The following PDE9A variants were observed in gnomAD, a reference collection of about 807,000 sequenced individuals.
PDE9A encodes the protein high affinity cGMP-specific 3',5'-cyclic phosphodiesterase 9A.
Under a neutral mutation model 87.4 loss-of-function variants are expected in PDE9A, and 60 were observed. The observed-to-expected ratio is 0.69, with a 90% CI of 0.56 to 0.85. The LOEUF is 0.85. PDE9A is among the 40% of genes least tolerant of loss of function. The pLI is 0.00. For synonymous variants in PDE9A, 272 were observed against 279.4 expected, an observed-to-expected ratio of 0.97 and a Z score of 0.27; for missense variants, 665 against 779.0, an observed-to-expected ratio of 0.85 and a Z score of 1.74.
intron 1 of PDE9A, among the ~76,000 whole-genome samples, chr21:42,681,933 A>G (rs368144327): frequency 5.3e-5 from 8 of 152,336 alleles, no homozygotes; most frequent in East Asian, 1.9e-4. Flanking sequence ...GAGGCAGCCT[A>G]GGGGTCCTCC....
chr21:42,671,146 A>G (rs2058544254), intron 1 of PDE9A, among the ~76,000 whole-genome samples: 1 of 152,130 alleles, frequency 6.6e-6, no homozygotes, highest in Non-Finnish European at 1.5e-5. Context: ...GAGCTTTAGG[A>G]TAACTCCGGT....
rs532492500 is a variant in PDE9A, at chr21:42,656,391, C to T, written c.69+2508C>T. On this transcript the variant is annotated intron_variant, in intron 1 of 19. Coordinates refer to ENST00000291539, the MANE Select transcript of PDE9A (RefSeq NM_002606.3). ...CAGTTTCCCCCTGAGACCGCAGAGA[C>T]GGGGAGGAAGGAGGGAACATTAGAA... Among the ~76,000 whole-genome samples, 265 of 152,272 alleles carry T rather than the reference C, an allele frequency of 1.7e-3. 2 individuals carry two copies. The highest frequency in any genetic ancestry group is 1.0e-3 in the Non-Finnish European group (71 of 68,002).
intron 1 of PDE9A, among the ~76,000 whole-genome samples, chr21:42,685,737 G>A (rs1250702229): frequency 6.6e-6 from 1 of 152,052 alleles, no homozygotes; most frequent in Non-Finnish European, 1.5e-5. Context: ...CAAAGTGCTG[G>A]GATTACAGGC....
chr21:42,775,264 G>A lies in PDE9A; in HGVS notation c.1769-16G>A, dbSNP rs9637296. The A allele has an allele frequency of 0.17, 279,428 of 1,607,790 alleles. 25,399 individuals are homozygous for A. Among genetic ancestry groups the A allele is most frequent in the South Asian group, 0.26 (23,750 of 89,998 alleles). ...TTCTAACAAAAACAAATCAGTCATCGTTTCCCTTCTTCCAGGAGACTGTGC... is the reference window on the plus strand; with the variant it reads ...TTCTAACAAAAACAAATCAGTCATCATTTCCCTTCTTCCAGGAGACTGTGC... On this transcript the variant is annotated splice_polypyrimidine_tract_variant and intron_variant, in intron 19 of 19. Transcript: ENST00000291539.
chr21:42,653,968 C>G, intron 1 of PDE9A, 85 bp downstream of exon 1: 1 of 657,986 alleles, frequency 1.5e-6, no homozygotes, highest in South Asian at 1.7e-5. Context: ...ACTGTCCGTG[C>G]GTCTGCCGGT....
intron 10 of PDE9A, among the ~76,000 whole-genome samples, chr21:42,755,585 G>A (rs2269161): frequency 0.38 from 58,055 of 152,116 alleles, 12,580 homozygotes; most frequent in Non-Finnish European, 0.5. Flanking sequence ...ACGCACAAAA[G>A]GAAAGGGCCC....
rs556753847 is a variant in PDE9A, at chr21:42,739,215, G to A, written c.569-4561G>A. Among the ~76,000 whole-genome samples the A allele has an allele frequency of 1.1e-4, 16 of 152,356 alleles. No homozygotes were observed. Among genetic ancestry groups the A allele is most frequent in the Non-Finnish European group, 2.2e-4 (15 of 68,022 alleles). ...GTTTGAAGGCAGAGGAGCGGGCCAT[G>A]ATGGGCAGAGCCGACGTCCAGGCTC... On this transcript the variant is annotated intron_variant, in intron 7 of 19. Coordinates refer to ENST00000291539, the MANE Select transcript of PDE9A (RefSeq NM_002606.3). The surrounding 1 kb of genome is among the most constrained non-coding windows in gnomAD (Gnocchi z 4.1).
At chr21:42,733,621 T>C in intron 7 of PDE9A, 195 bp downstream of exon 7, 1 of 586,488 alleles carries the variant, frequency 1.7e-6, no homozygotes, top group Non-Finnish European at 3.1e-6. Context: ...ATTTCTATTT[T>C]AAAAGAAGCA....
intron 19 of PDE9A, 21 bp downstream of exon 19, chr21:42,772,541 G>T (rs1480401100): frequency 6.6e-7 from 1 of 1,507,186 alleles, no homozygotes; most frequent in East Asian, 2.3e-5. Context: ...CTCTGCTGAA[G>T]TGGCATCTCA....
intron 1 of PDE9A, among the ~76,000 whole-genome samples, chr21:42,673,138 C>T (rs1485505904): frequency 6.6e-6 from 1 of 152,140 alleles, no homozygotes; most frequent in Admixed American, 6.5e-5. Flanking sequence ...GGATTTGTCT[C>T]GCTTTGCAGC....
At chr21:42,732,785 A>G (rs189970487) in intron 6 of PDE9A, among the ~76,000 whole-genome samples, 2 of 152,282 alleles carry the variant, frequency 1.3e-5, no homozygotes, top group East Asian at 1.9e-4. Flanking sequence ...GTGGTGGCAC[A>G]TGCCTGTAAT....
At chr21:42,753,215 A>C (rs1347473798) in intron 9 of PDE9A, among the ~76,000 whole-genome samples, 1 of 152,170 alleles carries the variant, frequency 6.6e-6, no homozygotes, top group Non-Finnish European at 1.5e-5. Context: ...CATGTTTGCC[A>C]GGTTGGTCTT....
At chr21:42,762,545 C>T (rs979315670) in intron 14 of PDE9A, among the ~76,000 whole-genome samples, 2 of 152,196 alleles carry the variant, frequency 1.3e-5, no homozygotes, top group Non-Finnish European at 2.9e-5. Flanking sequence ...GAAACTGAGG[C>T]TTAGCAAAGG....
intron 3 of PDE9A, among the ~76,000 whole-genome samples, chr21:42,688,336 G>A (rs2059591003): frequency 6.6e-6 from 1 of 151,992 alleles, no homozygotes; most frequent in Non-Finnish European, 1.5e-5. Context: ...AAGGACCTCG[G>A]GAGATTCCCT....
intron 1 of PDE9A, among the ~76,000 whole-genome samples, chr21:42,673,416 A>AT (rs1450112821): frequency 6.6e-6 from 1 of 152,154 alleles, no homozygotes; most frequent in Non-Finnish European, 1.5e-5. Flanking sequence ...CAGTCCGCTG[A>AT]TTGACTGTTC....
chr21:42,671,862 A>AC (rs2058579755), intron 1 of PDE9A, among the ~76,000 whole-genome samples: 2 of 152,330 alleles, frequency 1.3e-5, no homozygotes, highest in Admixed American at 1.3e-4. Context: ...TCAAAGATAG[A>AC]AATGTGTGAA....
intron 7 of PDE9A, among the ~76,000 whole-genome samples, chr21:42,737,159 G>T (rs1184610067): frequency 6.6e-6 from 1 of 152,228 alleles, no homozygotes; most frequent in African/African-American, 2.4e-5. Context: ...TAGCCAGATG[G>T]GGAAGGCGGC....
intron 1 of PDE9A, among the ~76,000 whole-genome samples, chr21:42,677,012 T>G (rs1306501961): frequency 6.6e-6 from 1 of 152,134 alleles, no homozygotes; most frequent in East Asian, 1.9e-4. Context: ...CCAGCTGCCC[T>G]TGGGGAGGAG....
At chr21:42,729,651 C>T (rs1208817423) in intron 4 of PDE9A, among the ~76,000 whole-genome samples, 1 of 152,152 alleles carries the variant, frequency 6.6e-6, no homozygotes, top group African/African-American at 2.4e-5. Flanking sequence ...ATAAATTTCC[C>T]TCTCAGCATT....
Sources: gnomAD v4.1 joint callset for allele counts (sites outside exome capture counted in the v4.1 genomes callset) on GRCh38, gnomAD v4.1.1 for gene constraint, Gnocchi (gnomAD v3.1) non-coding constraint, MANE v1.5 for transcripts, NCBI Gene and HGNC (gene_info 2026-07-23, HGNC 2026-07-21) for gene names.